DDR2: variants seen among roughly 807,000 people sequenced by gnomAD.
The protein encoded by DDR2 is discoidin domain-containing receptor 2.
In DDR2, 27 loss-of-function variants were observed where a neutral mutation model predicts 94.9. The observed-to-expected ratio is 0.28, with a 90% CI of 0.21 to 0.39. DDR2 has a LOEUF of 0.39. DDR2 is among the 10% of genes least tolerant of loss of function. The probability of loss-of-function intolerance (pLI) is 1.00; values close to 1 mark genes in which losing one functional copy is unlikely to be tolerated. For synonymous variants in DDR2, 382 were observed against 377.2 expected (o/e 1.01, Z -0.15); for missense variants, 783 against 1,076.0 (o/e 0.73, Z 3.81).
chr1:162,669,564 C>A (rs184002637), intron 2 of DDR2, among the ~76,000 whole-genome samples: 7 of 152,286 alleles, frequency 4.6e-5, no homozygotes, highest in Admixed American at 2.6e-4. Context: ...GTATCAGCAA[C>A]AATAACATTA....
intron 1 of DDR2, among the ~76,000 whole-genome samples, chr1:162,645,127 C>G (rs2101894903): frequency 6.6e-6 from 1 of 152,360 alleles, no homozygotes; most frequent in Non-Finnish European, 1.5e-5. Flanking sequence ...GAAGCAGATT[C>G]TCTGTCACTC....
At chr1:162,765,658 C>T (rs1009393335) in intron 9 of DDR2, among the ~76,000 whole-genome samples, 3 of 151,662 alleles carry the variant, frequency 2.0e-5, no homozygotes, top group Admixed American at 2.0e-4. Flanking sequence ...TGCCCATTTA[C>T]CCGCTATATT....
intron 3 of DDR2, among the ~76,000 whole-genome samples, chr1:162,740,924 A>T (rs1662555739): frequency 6.6e-6 from 1 of 152,102 alleles, no homozygotes. Context: ...CCTCTGTGGC[A>T]GCCTGGAATC....
At chr1:162,634,579 G>A (rs1656725207) in intron 1 of DDR2, among the ~76,000 whole-genome samples, 2 of 152,190 alleles carry the variant, frequency 1.3e-5, no homozygotes, top group Admixed American at 6.5e-5. Context: ...ACTCTGAAAT[G>A]GGTGGCCTCA....
chr1:162,675,816 G>A (rs1659098553), intron 2 of DDR2, among the ~76,000 whole-genome samples: 1 of 152,194 alleles, frequency 6.6e-6, no homozygotes, highest in Non-Finnish European at 1.5e-5. Flanking sequence ...GGTTTGGTGG[G>A]AATGAGACTG....
intron 1 of DDR2, among the ~76,000 whole-genome samples, chr1:162,641,004 C>T (rs1657103934): frequency 6.6e-6 from 1 of 152,110 alleles, no homozygotes; most frequent in African/African-American, 2.4e-5. Context: ...AATCCTCCCA[C>T]CTTGGCTTCT....
intron 2 of DDR2, among the ~76,000 whole-genome samples, chr1:162,712,737 C>T (rs1448608438): frequency 6.6e-6 from 1 of 152,166 alleles, no homozygotes; most frequent in South Asian, 2.1e-4. Context: ...TCTCTCTGAG[C>T]CACATGCTCC....
intron 2 of DDR2, among the ~76,000 whole-genome samples, chr1:162,662,242 G>T (rs1658337665): frequency 6.6e-6 from 1 of 152,166 alleles, no homozygotes; most frequent in African/African-American, 2.4e-5. Flanking sequence ...TTCACTCAGT[G>T]AATATCCATT....
intron 3 of DDR2, among the ~76,000 whole-genome samples, chr1:162,751,220 T>C (rs1410243447): frequency 6.6e-6 from 1 of 151,958 alleles, no homozygotes; most frequent in Non-Finnish European, 1.5e-5. Context: ...ACCTACAGAA[T>C]AGGAGAAAAT....
chr1:162,683,651 A>C (rs1296082284), intron 2 of DDR2, among the ~76,000 whole-genome samples: 1 of 151,914 alleles, frequency 6.6e-6, no homozygotes, highest in Non-Finnish European at 1.5e-5. Context: ...ATATTATGTA[A>C]GTTTAAATAT....
intron 3 of DDR2, among the ~76,000 whole-genome samples, chr1:162,746,725 G>A (rs1662887385): frequency 6.6e-6 from 1 of 152,202 alleles, no homozygotes; most frequent in African/African-American, 2.4e-5. Flanking sequence ...TCCCAGTAGG[G>A]GCCTACAGAC....
intron 2 of DDR2, among the ~76,000 whole-genome samples, chr1:162,693,962 G>T (rs1245942488): frequency 6.6e-6 from 1 of 152,086 alleles, no homozygotes; most frequent in African/African-American, 2.4e-5. Flanking sequence ...TGCAACCTCT[G>T]CCTCCCAGGC....
intron 1 of DDR2, among the ~76,000 whole-genome samples, chr1:162,654,826 G>C (rs960174804): frequency 2.0e-5 from 3 of 152,164 alleles, no homozygotes; most frequent in African/African-American, 4.8e-5. Flanking sequence ...TAATCCAACT[G>C]TGTCTGGTCA....
rs571084976 is a variant in DDR2, at chr1:162,642,334, G to A, written c.-192+9703G>A. ...GTTTCCCAGGCTGGAGTGCAATGGC[G>A]CCATCCTGGCTCACCACAACCTCCA... is the stretch of plus-strand genomic sequence containing the variant. On this transcript the variant is annotated intron_variant, in intron 1 of 17. Coordinates refer to ENST00000367921, the MANE Select transcript of DDR2 (RefSeq NM_006182.4). 3.3e-5 allele frequency among the ~76,000 whole-genome samples: 5 copies of A among 150,684 alleles called. No homozygotes were observed. The East Asian group carries it at 5.9e-4, about 18-fold the overall frequency.
chr1:162,708,698 G>A (rs1383136267), intron 2 of DDR2, among the ~76,000 whole-genome samples: 4 of 152,190 alleles, frequency 2.6e-5, no homozygotes, highest in Admixed American at 2.0e-4. Flanking sequence ...TTCCCCAGAG[G>A]CAGCATCACT....
rs1660482229 is a variant in DDR2 at position 162,702,628 on chromosome 1, A to G, written c.-27-16409A>G. 3.3e-5 allele frequency among the ~76,000 whole-genome samples: 5 copies of G among 152,224 alleles called. No homozygotes were observed. In the South Asian group the frequency reaches 1.0e-3, roughly 31 times the overall value. ...TTCAACCTCATGATTCTCAATCTTT[A>G]TGCCAATAGCTACAGTATATTTATT... On this transcript the variant is annotated intron_variant, in intron 2 of 17. Transcript: ENST00000367921.
chr1:162,721,075 A>G (rs988038426), intron 3 of DDR2, among the ~76,000 whole-genome samples: 2 of 152,000 alleles, frequency 1.3e-5, no homozygotes, highest in African/African-American at 2.4e-5. Context: ...CTCTCAATCA[A>G]TTGTTGATGT....
chr1:162,728,123 TCACA>T (rs1313145518), intron 3 of DDR2, among the ~76,000 whole-genome samples: 114 of 141,510 alleles, frequency 8.1e-4, no homozygotes, highest in African/African-American at 2.7e-3. Context: ...ATAGATATAA[TCACA>T]CTATATATAT....
intron 3 of DDR2, among the ~76,000 whole-genome samples, chr1:162,742,670 G>A (rs1000432614): frequency 5.3e-5 from 8 of 152,076 alleles, no homozygotes; most frequent in African/African-American, 1.7e-4. Context: ...ATTTGGGTGG[G>A]CACAAATATC....
Sources: gnomAD v4.1 joint callset for allele counts (sites outside exome capture counted in the v4.1 genomes callset) on GRCh38, gnomAD v4.1.1 for gene constraint, MANE v1.5 for transcripts, NCBI Gene and HGNC (gene_info 2026-07-23, HGNC 2026-07-21) for gene names.